LINGO2: variants seen among roughly 807,000 people sequenced by gnomAD.
LINGO2 encodes the protein leucine rich repeat and Ig domain containing 2.
In LINGO2, 14 loss-of-function variants were observed where a neutral mutation model predicts 30.6. The ratio of observed to expected loss-of-function variants is 0.46; its 90% CI spans 0.30 to 0.72. The LOEUF (loss-of-function observed/expected upper bound fraction) is 0.72, where lower values mean the gene tolerates loss of function less well. LINGO2 is among the 30% of genes least tolerant of loss of function. The probability of loss-of-function intolerance (pLI) is 0.07; values close to 1 mark genes in which losing one functional copy is unlikely to be tolerated. For missense variants in LINGO2, 729 were observed against 751.7 expected, an observed-to-expected ratio of 0.97 and a Z score of 0.35; for synonymous variants, 317 against 288.5, an observed-to-expected ratio of 1.10 and a Z score of -1.00.
the LINGO2 span, among the ~76,000 whole-genome samples, chr9:28,758,798 G>T: frequency 6.6e-6 from 1 of 152,018 alleles, no homozygotes; most frequent in Non-Finnish European, 1.5e-5. Context: ...AGGATAGAAG[G>T]TATCATTAGC....
chr9:28,332,113 G>T (rs1416651963), intron 3 of LINGO2, among the ~76,000 whole-genome samples: 1 of 152,006 alleles, frequency 6.6e-6, no homozygotes, highest in East Asian at 1.9e-4. Context: ...AGTAAACTCT[G>T]AAGAAAATTC....
chr9:28,209,288 C>A (rs1353168547), intron 4 of LINGO2, among the ~76,000 whole-genome samples: 2 of 151,910 alleles, frequency 1.3e-5, no homozygotes, highest in African/African-American at 4.8e-5. Flanking sequence ...GGTTAAGGTG[C>A]TAAAAGGATG....
Position 28,206,224 on chromosome 9 carries a change from AGTGT to A in LINGO2, c.-87+88980_-87+88983del, listed in dbSNP as rs374894334. Among the ~76,000 whole-genome samples, 169 of 148,864 alleles carry A rather than the reference AGTGT, an allele frequency of 1.1e-3. 2 individuals are homozygous for A. The South Asian group carries it at 0.018, about 16-fold the overall frequency. ...GAAGAAATTATATCTCAGGAATTTG[AGTGT>A]TTGACCTATAAAGTTGAGAATAAGC... On this transcript the variant is annotated intron_variant, in intron 4 of 5. Coordinates refer to ENST00000379992, the Ensembl canonical transcript of LINGO2.
the LINGO2 span, among the ~76,000 whole-genome samples, chr9:28,802,626 T>C: frequency 6.6e-6 from 1 of 152,034 alleles, no homozygotes; most frequent in East Asian, 1.9e-4. Context: ...GGAAATTATG[T>C]TGGGTAGCAT....
chr9:28,077,944 T>C lies in LINGO2; in HGVS notation c.-86-65539A>G, dbSNP rs1194321530. ...GAAAAGAGCAGGCCTGATTTCATGA[T>C]TAAGCGTCAACTCTAGAGAATGATG... On this transcript the variant is annotated intron_variant, in intron 4 of 5. Coordinates refer to ENST00000379992, the Ensembl canonical transcript of LINGO2. Among the ~76,000 whole-genome samples, 4 of 149,192 alleles carry C rather than the reference T, an allele frequency of 2.7e-5. 1 individual carries two copies. Among genetic ancestry groups the C allele is most frequent in the Admixed American group, 1.3e-4 (2 of 15,192 alleles).
At chr9:28,978,863 AT>A in the LINGO2 span, among the ~76,000 whole-genome samples, 1 of 152,078 alleles carries the variant, frequency 6.6e-6, no homozygotes, top group African/African-American at 2.4e-5. Context: ...AATTATGTAT[AT>A]TCTCTCAGAA....
At chr9:28,803,020 A>T in the LINGO2 span, among the ~76,000 whole-genome samples, 2 of 152,052 alleles carry the variant, frequency 1.3e-5, no homozygotes, top group Non-Finnish European at 2.9e-5. Flanking sequence ...GAAAATCAAG[A>T]CTCTGGGAAA....
intron 4 of LINGO2, among the ~76,000 whole-genome samples, chr9:28,259,388 T>C (rs1334483202): frequency 6.6e-6 from 1 of 151,976 alleles, no homozygotes; most frequent in Non-Finnish European, 1.5e-5. Flanking sequence ...AAGAAGGGCA[T>C]GGAAATAGTT....
chr9:28,818,605 C>T, the LINGO2 span, among the ~76,000 whole-genome samples: 1 of 152,100 alleles, frequency 6.6e-6, no homozygotes, highest in African/African-American at 2.4e-5. Context: ...AGGTTGGTCT[C>T]GAACTCCTGA....
In LINGO2 at chr9:28,298,380, T is replaced by C. The variant is rs145745987; in HGVS notation, c.-245-3014A>G. 5.6e-4 allele frequency among the ~76,000 whole-genome samples: 85 copies of C among 151,718 alleles called. 1 individual carries two copies. The East Asian group carries it at 0.013, about 24-fold the overall frequency. On this transcript the variant is annotated intron_variant, in intron 3 of 5. Coordinates refer to ENST00000379992, the Ensembl canonical transcript of LINGO2. ...GAAACTTATTCTTTTAAAAATGAAT[T>C]TGGGGCTGGGCGCAGTGGCTCACAC...
At chr9:28,474,380 C>T (rs1422070256) in intron 2 of LINGO2, among the ~76,000 whole-genome samples, 1 of 146,790 alleles carries the variant, frequency 6.8e-6, no homozygotes, top group Non-Finnish European at 1.5e-5. Flanking sequence ...CTTACCTTCT[C>T]AAAGAATAAA....
chr9:28,808,852 G>A, the LINGO2 span, among the ~76,000 whole-genome samples: 1 of 152,116 alleles, frequency 6.6e-6, no homozygotes. Context: ...TCAGCCTGAG[G>A]ACTGTATATG....
intron 1 of LINGO2, among the ~76,000 whole-genome samples, chr9:28,660,107 T>TA (rs1241635517): frequency 6.6e-6 from 1 of 152,064 alleles, no homozygotes. Context: ...CAAAAATATA[T>TA]AAAAATTGCA....
At chr9:29,212,226 G>A in the LINGO2 span, among the ~76,000 whole-genome samples, 1 of 151,962 alleles carries the variant, frequency 6.6e-6, no homozygotes, top group African/African-American at 2.4e-5. Flanking sequence ...AAGCGCGCCG[G>A]GACTGCCGCT....
chr9:28,914,840 A>G, the LINGO2 span, among the ~76,000 whole-genome samples: 1 of 152,180 alleles, frequency 6.6e-6, no homozygotes, highest in Admixed American at 6.5e-5. Flanking sequence ...TGTTTTAAAG[A>G]TAGTCACAAA....
At chr9:28,932,585 T>G in the LINGO2 span, among the ~76,000 whole-genome samples, 1 of 152,178 alleles carries the variant, frequency 6.6e-6, no homozygotes, top group Non-Finnish European at 1.5e-5. Context: ...TATTAAGAAC[T>G]TCGTGAGTTC....
the LINGO2 span, among the ~76,000 whole-genome samples, chr9:28,738,666 T>G: frequency 6.6e-6 from 1 of 152,064 alleles, no homozygotes; most frequent in African/African-American, 2.4e-5. Flanking sequence ...AAAATATTAT[T>G]AAATTATTCA....
At chr9:28,648,964 G>A (rs1034795433) in intron 1 of LINGO2, among the ~76,000 whole-genome samples, 8 of 152,108 alleles carry the variant, frequency 5.3e-5, no homozygotes, top group African/African-American at 1.9e-4. Context: ...GAGATAACCA[G>A]GTTTGGGGCT....
chr9:28,356,719 T>C (rs10968532), intron 3 of LINGO2, among the ~76,000 whole-genome samples: 11,754 of 152,140 alleles, frequency 0.077, 638 homozygotes, highest in Admixed American at 0.12. Flanking sequence ...CTGCCTGAAT[T>C]ATCCCCATGA....
Sources: allele counts gnomAD v4.1 joint callset (sites outside exome capture counted in the v4.1 genomes callset), GRCh38; gene constraint gnomAD v4.1.1; transcripts MANE v1.5; gene names NCBI Gene and HGNC (gene_info 2026-07-23, HGNC 2026-07-21).